The following KCNQ1OT1 variants were observed in gnomAD, a reference collection of about 807,000 sequenced individuals.
KCNQ1OT1 encodes KCNQ1 antisense RNA 2 (non-protein coding).
chr11:2,613,522 A>C lies in KCNQ1OT1; in HGVS notation n.86473T>G, dbSNP rs1426569136. The C allele has an allele frequency of 2.5e-6, 1 of 398,432 alleles. No homozygotes were observed. The highest frequency in any genetic ancestry group is 2.1e-5 in the African/African-American group (1 of 48,606). The allele number at this position is 398,432 out of a possible 1,614,324, so 24.7% of individuals were successfully genotyped here. ...CCCTGAGCTTGGGTGGGGAGATGGC[A>C]GCCCCACGTTAAATCATAACCCTGC... On this transcript the variant is annotated non_coding_transcript_exon_variant, in exon 1 of 1. Transcript: ENST00000597346. The surrounding 1 kb of genome is among the most constrained non-coding windows in gnomAD (Gnocchi z 4.8).
chr11:2,622,931 A>G (rs1849199226), exon 1 of KCNQ1OT1: 1 of 398,578 alleles, frequency 2.5e-6, no homozygotes, highest in South Asian at 1.3e-4. Flanking sequence ...TGGGGTGTAC[A>G]TTCTGTGGGT....
chr11:2,617,979 T>C lies in KCNQ1OT1; in HGVS notation n.82016A>G. 1 of 398,610 alleles carries C rather than the reference T, an allele frequency of 2.5e-6. No homozygotes were observed. Among genetic ancestry groups the C allele is most frequent in the Non-Finnish European group, 4.4e-6 (1 of 226,054 alleles). 24.7% of individuals were successfully genotyped at this position (398,610 alleles called of 1,614,324 possible). ...TTGGCAAATATTTTCTTCTAGTCCA[T>C]AGGTTGCCTTTTCCTTTTGTTGACT... On this transcript the variant is annotated non_coding_transcript_exon_variant, in exon 1 of 1. Transcript: ENST00000597346. This position sits in a 1 kb window ranked among gnomAD's most constrained non-coding sequence, Gnocchi z 4.6.
At chr11:2,693,882 C>T in exon 1 of KCNQ1OT1, 1 of 398,794 alleles carries the variant, frequency 2.5e-6, no homozygotes. Context: ...CTGAGGGAAA[C>T]CCTACTCGTC....
exon 1 of KCNQ1OT1, chr11:2,675,190 A>G (rs1228487802): frequency 1.3e-5 from 5 of 398,486 alleles, no homozygotes; most frequent in Non-Finnish European, 1.8e-5. Context: ...GGGCCCCTCT[A>G]GGTCAATATT....
At chr11:2,631,872 T>G in exon 1 of KCNQ1OT1, 1 of 398,330 alleles carries the variant, frequency 2.5e-6, no homozygotes, top group East Asian at 3.6e-5. Flanking sequence ...TCAGATTGTT[T>G]GTGATTAATG....
Position 2,661,474 on chromosome 11 carries a change from C to T in KCNQ1OT1, n.38521G>A. On this transcript the variant is annotated non_coding_transcript_exon_variant, in exon 1 of 1. Transcript: ENST00000597346. The surrounding 1 kb of genome is among the most constrained non-coding windows in gnomAD (Gnocchi z 5.9). Reference sequence around the variant, plus strand: ...TTGAGGAAGGAGTTCTGTGGCTGCCCCCACCTCCCAGGCTTGCCATTCCTC... The same window carrying T: ...TTGAGGAAGGAGTTCTGTGGCTGCCTCCACCTCCCAGGCTTGCCATTCCTC... The T allele has an allele frequency of 2.3e-6, 1 of 435,368 alleles. No homozygotes were observed. Among genetic ancestry groups the T allele is most frequent in the Non-Finnish European group, 4.0e-6 (1 of 247,468 alleles). The allele number at this position is 435,368 out of a possible 1,614,324, so 27.0% of individuals were successfully genotyped here. A position where few individuals can be genotyped will look rare whatever the true frequency, so the allele number is the denominator to read the frequency against.
In KCNQ1OT1 at chr11:2,670,619, C is replaced by A. The variant is rs890971770; in HGVS notation, n.29376G>T. On this transcript the variant is annotated non_coding_transcript_exon_variant, in exon 1 of 1. Coordinates refer to ENST00000597346, the Ensembl canonical transcript of KCNQ1OT1. This position sits in a 1 kb window ranked among gnomAD's most constrained non-coding sequence, Gnocchi z 4.9. ...CCCAGACACACAATCTCTGGGGGAGCCTGGATATGCATGGCAGAGGCCAGG... is the reference window on the plus strand; with the variant it reads ...CCCAGACACACAATCTCTGGGGGAGACTGGATATGCATGGCAGAGGCCAGG... 5.0e-6 allele frequency: 2 copies of A among 398,296 alleles called. No homozygotes were observed. Among genetic ancestry groups the A allele is most frequent in the African/African-American group, 4.1e-5 (2 of 48,596 alleles). 24.7% of individuals were successfully genotyped at this position (398,296 alleles called of 1,614,324 possible). A position where few individuals can be genotyped will look rare whatever the true frequency, so the allele number is the denominator to read the frequency against.
At chr11:2,634,834 A>G (rs1195897657) in exon 1 of KCNQ1OT1, 2 of 152,230 alleles carry the variant, frequency 1.3e-5, no homozygotes, top group Admixed American at 1.3e-4. Flanking sequence ...CATCTTCTCC[A>G]GCACCTGTTG....
Position 2,699,763 on chromosome 11 carries a change from G to A in KCNQ1OT1, n.232C>T, listed in dbSNP as rs111227901. 5.3e-3 allele frequency: 1,921 copies of A among 364,640 alleles called. 9 individuals carry two copies. The highest frequency in any genetic ancestry group is 0.023 in the Middle Eastern group (33 of 1,452). The allele number at this position is 364,640 out of a possible 1,614,324, so 22.6% of individuals were successfully genotyped here. On this transcript the variant is annotated non_coding_transcript_exon_variant, in exon 1 of 1. Coordinates refer to ENST00000597346, the Ensembl canonical transcript of KCNQ1OT1. The stretch of plus-strand genomic sequence containing the variant: ...CGAGGAGCCCCCAGAAGAGCGCCGC[G>A]CTGAGGAGCCCCGAGGAGAACCGCG...
In KCNQ1OT1 at chr11:2,642,160, C is replaced by G. The variant is rs1419965914; in HGVS notation, n.57835G>C. ...TTTTTTCTATTTCCATGAAAAATGG[C>G]ATTGGTATTTTGAGAGAGACTGCAT... On this transcript the variant is annotated non_coding_transcript_exon_variant, in exon 1 of 1. Coordinates refer to ENST00000597346, the Ensembl canonical transcript of KCNQ1OT1. This position sits in a 1 kb window ranked among gnomAD's most constrained non-coding sequence, Gnocchi z 4.3. 5.0e-6 allele frequency: 2 copies of G among 398,190 alleles called. No homozygotes were observed. Among genetic ancestry groups the G allele is most frequent in the Non-Finnish European group, 8.9e-6 (2 of 225,930 alleles). The allele number at this position is 398,190 out of a possible 1,614,324, so 24.7% of individuals were successfully genotyped here.
Position 2,679,006 on chromosome 11 carries a change from A to G in KCNQ1OT1, n.20989T>C, listed in dbSNP as rs1850341925. 2.5e-6 allele frequency: 1 copy of G among 398,662 alleles called. No homozygotes were observed. Among genetic ancestry groups the G allele is most frequent in the East Asian group, 3.6e-5 (1 of 28,086 alleles). 24.7% of individuals were successfully genotyped at this position (398,662 alleles called of 1,614,324 possible). On this transcript the variant is annotated non_coding_transcript_exon_variant, in exon 1 of 1. Coordinates refer to ENST00000597346, the Ensembl canonical transcript of KCNQ1OT1. The surrounding 1 kb of genome is among the most constrained non-coding windows in gnomAD (Gnocchi z 4.8). Reference sequence around the variant, plus strand: ...TCAAGAATTTTTAAAAACCCGCAATAAGAAACATAATCTAAAACTTGTAGC... The same window carrying G: ...TCAAGAATTTTTAAAAACCCGCAATGAGAAACATAATCTAAAACTTGTAGC...
At position 2,698,797 on chromosome 11, in the gene KCNQ1OT1, A is replaced by G. The variant is rs568466056; in HGVS notation, n.1198T>C. 18 of 397,952 alleles carry G rather than the reference A, an allele frequency of 4.5e-5. No homozygotes were observed. In the South Asian group the frequency reaches 1.4e-3, roughly 31 times the overall value. 24.7% of individuals were successfully genotyped at this position (397,952 alleles called of 1,614,324 possible). On this transcript the variant is annotated non_coding_transcript_exon_variant, in exon 1 of 1. Coordinates refer to ENST00000597346, the Ensembl canonical transcript of KCNQ1OT1. The surrounding 1 kb of genome is among the most constrained non-coding windows in gnomAD (Gnocchi z 5.1). ...ACCGGGATTCAGGTCCCCAACTCAGACTCCCGATCCTCTGTCCCTAATGAG... is the reference window on the plus strand; with the variant it reads ...ACCGGGATTCAGGTCCCCAACTCAGGCTCCCGATCCTCTGTCCCTAATGAG...
At chr11:2,675,675 G>A in exon 1 of KCNQ1OT1, 1 of 398,676 alleles carries the variant, frequency 2.5e-6, no homozygotes, top group Non-Finnish European at 4.4e-6. Flanking sequence ...GGCCTGCCCT[G>A]ACTCTGGCTC....
exon 1 of KCNQ1OT1, chr11:2,675,443 A>C: frequency 2.5e-6 from 1 of 398,664 alleles, no homozygotes; most frequent in Non-Finnish European, 4.4e-6. Flanking sequence ...AAAATAAAAG[A>C]TGATCTGAAA....
chr11:2,699,032 C>T (rs558826552), exon 1 of KCNQ1OT1: 14 of 398,622 alleles, frequency 3.5e-5, no homozygotes, highest in South Asian at 2.5e-4. Context: ...AGTGGATTTC[C>T]GACTCCGGTC....
In KCNQ1OT1 at chr11:2,690,709, C is replaced by T. The variant is rs1003152878; in HGVS notation, n.9286G>A. Reference sequence around the variant, plus strand: ...GTCTCTCAGAATTCCTGAGGGCTTTCCATTTGATCCCAGTGGTTGAAGATG... The same window carrying T: ...GTCTCTCAGAATTCCTGAGGGCTTTTCATTTGATCCCAGTGGTTGAAGATG... On this transcript the variant is annotated non_coding_transcript_exon_variant, in exon 1 of 1. Coordinates refer to ENST00000597346, the Ensembl canonical transcript of KCNQ1OT1. The surrounding 1 kb of genome is among the most constrained non-coding windows in gnomAD (Gnocchi z 5.1). The T allele has an allele frequency of 2.0e-5, 8 of 398,512 alleles. No homozygotes were observed. Among genetic ancestry groups the T allele is most frequent in the Admixed American group, 4.4e-5 (1 of 22,716 alleles). The allele number at this position is 398,512 out of a possible 1,614,324, so 24.7% of individuals were successfully genotyped here.
chr11:2,667,323 A>C (rs981181970), exon 1 of KCNQ1OT1: 3 of 398,444 alleles, frequency 7.5e-6, no homozygotes, highest in Non-Finnish European at 1.3e-5. Flanking sequence ...GGCCCAGAAG[A>C]AAGCAGTGAG....
exon 1 of KCNQ1OT1, chr11:2,644,310 A>C (rs1374637239): frequency 5.0e-6 from 2 of 398,212 alleles, no homozygotes; most frequent in East Asian, 7.1e-5. Flanking sequence ...GTCATTTCAA[A>C]AGACTTATCT....
Position 2,624,373 on chromosome 11 carries a change from T to C in KCNQ1OT1, n.75622A>G, listed in dbSNP as rs1849228237. On this transcript the variant is annotated non_coding_transcript_exon_variant, in exon 1 of 1. Transcript: ENST00000597346. This position sits in a 1 kb window ranked among gnomAD's most constrained non-coding sequence, Gnocchi z 4.9. Reference sequence around the variant, plus strand: ...TGTCTCCCTTCTGTGGCCTGTCCTTTCATCCTCTTGACAGTATGTTTTACA... The same window carrying C: ...TGTCTCCCTTCTGTGGCCTGTCCTTCCATCCTCTTGACAGTATGTTTTACA... 2.5e-6 allele frequency: 1 copy of C among 398,568 alleles called. No individual in the cohort carries two copies. The highest frequency in any genetic ancestry group is 4.4e-6 in the Non-Finnish European group (1 of 226,036). 24.7% of individuals were successfully genotyped at this position (398,568 alleles called of 1,614,324 possible).
Sources: gnomAD v4.1 joint callset for allele counts on GRCh38, gnomAD v4.1.1 for gene constraint, Gnocchi (gnomAD v3.1) non-coding constraint, MANE v1.5 for transcripts, NCBI Gene and HGNC (gene_info 2026-07-23, HGNC 2026-07-21) for gene names.